FAM118B: variants seen among roughly 807,000 people sequenced by gnomAD.
The protein encoded by FAM118B is protein FAM118B.
In FAM118B, 24 loss-of-function variants were observed where a neutral mutation model predicts 38.5. That is an observed-to-expected ratio of 0.62 (90% CI 0.45 to 0.88). FAM118B has a LOEUF of 0.88. Among genes scored for constraint, FAM118B ranks in the 40% least tolerant of loss-of-function variants. The pLI is 0.00. For synonymous variants in FAM118B, 138 were observed against 156.3 expected, an observed-to-expected ratio of 0.88 and a Z score of 0.87; for missense variants, 334 against 420.0, an observed-to-expected ratio of 0.80 and a Z score of 1.79.
At chr11:126,240,719 G>C in intron 3 of FAM118B, 73 bp from the exon 4 acceptor site, 1 of 1,437,222 alleles carries the variant, frequency 7.0e-7, no homozygotes, top group Non-Finnish European at 9.3e-7. Context: ...ACTGTAACCT[G>C]AGTCAGACAG....
intron 1 of FAM118B, among the ~76,000 whole-genome samples, chr11:126,219,225 G>C (rs551969955): frequency 5.9e-5 from 9 of 152,016 alleles, no homozygotes; most frequent in Non-Finnish European, 1.0e-4. Flanking sequence ...CGTAAGGACA[G>C]AAGTTATCAT....
intron 3 of FAM118B, among the ~76,000 whole-genome samples, chr11:126,236,766 T>TC (rs889686288): frequency 2.6e-5 from 4 of 151,948 alleles, no homozygotes; most frequent in African/African-American, 4.8e-5. Flanking sequence ...TTTATTTTTT[T>TC]CCCCCCCATT....
At position 126,255,955 on chromosome 11, in the gene FAM118B, CAAAAAT is replaced by C. The variant is rs1347887043; in HGVS notation, c.697-607_697-602del. ...TAGGTGGCAGAGCAAGACTCTGTCTCAAAAATAAAATAAAAATAAAAAAGTAAACTA... is the reference window on the plus strand; with the variant it reads ...TAGGTGGCAGAGCAAGACTCTGTCTCAAAATAAAAATAAAAAAGTAAACTA... On this transcript the variant is annotated intron_variant, in intron 6 of 8. Transcript: ENST00000533050. This position sits in a 1 kb window ranked among gnomAD's most constrained non-coding sequence, Gnocchi z 4.6. 6.6e-6 allele frequency among the ~76,000 whole-genome samples: 1 copy of C among 151,804 alleles called. No homozygotes were observed. The highest frequency in any genetic ancestry group is 1.5e-5 in the Non-Finnish European group (1 of 67,994).
chr11:126,217,976 G>A (rs1026348977), intron 1 of FAM118B, among the ~76,000 whole-genome samples: 1 of 152,148 alleles, frequency 6.6e-6, no homozygotes, highest in African/African-American at 2.4e-5. Context: ...TCTATCTCTG[G>A]TGTTCTGCAG....
Position 126,250,878 on chromosome 11 carries a change from TTC to T in FAM118B, c.567+147_567+148del, listed in dbSNP as rs1950494753. On this transcript the variant is annotated intron_variant, in intron 5 of 8. Transcript: ENST00000533050. This position sits in a 1 kb window ranked among gnomAD's most constrained non-coding sequence, Gnocchi z 5.1. ...TGGTTGGAGTTTTTGTTTTTCTTTT[TTC>T]TTTCTTTTTAAAGATCAAATCAATA... 1 of 618,734 alleles carries T rather than the reference TTC, an allele frequency of 1.6e-6. No homozygotes were observed. The highest frequency in any genetic ancestry group is 2.8e-6 in the Non-Finnish European group (1 of 356,074). 38.3% of individuals were successfully genotyped at this position (618,734 alleles called of 1,614,324 possible). A position where few individuals can be genotyped will look rare whatever the true frequency, so the allele number is the denominator to read the frequency against.
chr11:126,229,438 TTTTG>T (rs1352963152), intron 2 of FAM118B, 145 bp downstream of exon 2: 1 of 152,114 alleles, frequency 6.6e-6, no homozygotes. Context: ...ATCTGAGCTC[TTTTG>T]TTTGTTTTTT....
At chr11:126,228,120 A>C (rs1307008500) in intron 1 of FAM118B, among the ~76,000 whole-genome samples, 1 of 151,960 alleles carries the variant, frequency 6.6e-6, no homozygotes, top group Non-Finnish European at 1.5e-5. Context: ...TTTAATTTTC[A>C]GCTCTATTTA....
At chr11:126,216,290 C>T (rs185727443) in intron 1 of FAM118B, among the ~76,000 whole-genome samples, 4 of 151,874 alleles carry the variant, frequency 2.6e-5, no homozygotes, top group East Asian at 1.9e-4. Context: ...GTAGGAGAAT[C>T]GCTGGAACTG....
At chr11:126,239,736 A>T (rs1347077327) in intron 3 of FAM118B, among the ~76,000 whole-genome samples, 1 of 151,418 alleles carries the variant, frequency 6.6e-6, no homozygotes, top group East Asian at 1.9e-4. Context: ...CTGGTCTTGA[A>T]CTCCTGACCT....
chr11:126,213,871 C>T (rs989082083), intron 1 of FAM118B, among the ~76,000 whole-genome samples: 1 of 152,086 alleles, frequency 6.6e-6, no homozygotes, highest in Admixed American at 6.5e-5. Context: ...TCCCTTTTTT[C>T]TGGAGAAGGA....
Position 126,250,759 on chromosome 11 carries a change from C to T in FAM118B, c.567+26C>T. 1 of 1,519,848 alleles carries T rather than the reference C, an allele frequency of 6.6e-7. No individual in the cohort carries two copies. The highest frequency in any genetic ancestry group is 9.1e-7 in the Non-Finnish European group (1 of 1,101,146). 94.1% of individuals were successfully genotyped at this position (1,519,848 alleles called of 1,614,324 possible). A position where few individuals can be genotyped will look rare whatever the true frequency, so the allele number is the denominator to read the frequency against. On this transcript the variant is annotated intron_variant, in intron 5 of 8. Coordinates refer to ENST00000533050, the MANE Select transcript of FAM118B (RefSeq NM_024556.4). The surrounding 1 kb of genome is among the most constrained non-coding windows in gnomAD (Gnocchi z 5.1). ...GTAAAAAGTAAAGCATTGGTCCCTTCTTCAGGCTAGTGGATTTTATCTTCC... is the reference window on the plus strand; with the variant it reads ...GTAAAAAGTAAAGCATTGGTCCCTTTTTCAGGCTAGTGGATTTTATCTTCC...
In FAM118B at chr11:126,244,506, C is replaced by T. The variant is rs147092772; in HGVS notation, c.339+3462C>T. ...GTAAAATAGCTAGGAATAAATTTAA[C>T]GAAAGAAGTACAGAAGGCTAGGCGT... On this transcript the variant is annotated intron_variant, in intron 4 of 8. Transcript: ENST00000533050. This position sits in a 1 kb window ranked among gnomAD's most constrained non-coding sequence, Gnocchi z 4.5. Among the ~76,000 whole-genome samples, 153 of 152,244 alleles carry T rather than the reference C, an allele frequency of 1.0e-3. No homozygotes were observed. Among genetic ancestry groups the T allele is most frequent in the African/African-American group, 3.6e-3 (148 of 41,546 alleles).
chr11:126,216,521 GATATAACAAAACCAGTTTTACCAT>G (rs1339215316), intron 1 of FAM118B, among the ~76,000 whole-genome samples: 2 of 152,150 alleles, frequency 1.3e-5, no homozygotes, highest in Admixed American at 6.5e-5. Flanking sequence ...CTTGAAACAT[GATATAACAAAACCAGTTTTACCAT>G]ATGGTTTCTA....
intron 1 of FAM118B, among the ~76,000 whole-genome samples, chr11:126,226,762 C>T (rs1308446743): frequency 6.6e-6 from 1 of 152,140 alleles, no homozygotes; most frequent in Non-Finnish European, 1.5e-5. Flanking sequence ...AGGCGGATCA[C>T]TTGAGCCTGG....
At chr11:126,260,531 T>C (rs993340466) in intron 7 of FAM118B, 3 of 152,196 alleles carry the variant, frequency 2.0e-5, no homozygotes, top group African/African-American at 4.8e-5. Flanking sequence ...ATTATTCCTG[T>C]TAGGCAACGT....
chr11:126,230,270 C>T (rs1463980526), intron 2 of FAM118B, among the ~76,000 whole-genome samples: 1 of 152,188 alleles, frequency 6.6e-6, no homozygotes, highest in African/African-American at 2.4e-5. Flanking sequence ...TTAATTTGTT[C>T]ACTACTGACA....
intron 7 of FAM118B, among the ~76,000 whole-genome samples, chr11:126,259,870 G>A (rs188691938): frequency 0.015 from 2,307 of 148,844 alleles, 70 homozygotes; most frequent in African/African-American, 0.055. Context: ...AAAGGCGCCC[G>A]CCACCACACC....
Position 126,256,867 on chromosome 11 carries a change from G to T in FAM118B, c.982+15G>T. ...GGGTACATCAGGTAAGATGCATTTT[G>T]AAGCTGAGGGGAATCAGAGAACAAC... is the stretch of plus-strand genomic sequence containing the variant. On this transcript the variant is annotated intron_variant, in intron 7 of 8. Coordinates refer to ENST00000533050, the MANE Select transcript of FAM118B (RefSeq NM_024556.4). This position sits in a 1 kb window ranked among gnomAD's most constrained non-coding sequence, Gnocchi z 6.6. 1 of 1,598,656 alleles carries T rather than the reference G, an allele frequency of 6.3e-7. No homozygotes were observed. The highest frequency in any genetic ancestry group is 8.5e-7 in the Non-Finnish European group (1 of 1,171,316).
chr11:126,237,458 A>G (rs190529677), intron 3 of FAM118B, among the ~76,000 whole-genome samples: 85 of 144,128 alleles, frequency 5.9e-4, no homozygotes, highest in African/African-American at 2.1e-3. Context: ...GGCTGATCTC[A>G]AACTCCTGAC....
Sources: gnomAD v4.1 joint callset for allele counts (sites outside exome capture counted in the v4.1 genomes callset) on GRCh38, gnomAD v4.1.1 for gene constraint, Gnocchi (gnomAD v3.1) non-coding constraint, MANE v1.5 for transcripts, NCBI Gene and HGNC (gene_info 2026-07-23, HGNC 2026-07-21) for gene names.